ARL15: variants seen among roughly 807,000 people sequenced by gnomAD.
ARL15 encodes ADP-ribosylation factor-like protein 15.
ARL15 carries 19 observed loss-of-function variants against 25.2 expected under a neutral mutation model. The observed-to-expected ratio is 0.75, with a 90% CI of 0.53 to 1.10. ARL15 has a LOEUF of 1.10. ARL15 is among the 50% of genes least tolerant of loss of function. The pLI is 0.00. For synonymous variants in ARL15, 94 were observed against 86.8 expected (o/e 1.08, Z -0.46); for missense variants, 220 against 246.0 (o/e 0.89, Z 0.71).
At chr5:53,995,873 C>T (rs1215719278) in intron 4 of ARL15, among the ~76,000 whole-genome samples, 5 of 152,098 alleles carry the variant, frequency 3.3e-5, no homozygotes, top group African/African-American at 9.7e-5. Context: ...AAACCACTGA[C>T]CCAAAGAGTC....
intron 4 of ARL15, among the ~76,000 whole-genome samples, chr5:53,933,733 G>C (rs894823717): frequency 1.3e-5 from 2 of 151,346 alleles, no homozygotes; most frequent in African/African-American, 4.8e-5. Context: ...TATTCATTAG[G>C]TTTAAGGATC....
chr5:54,247,598 G>T (rs10074331), intron 1 of ARL15, among the ~76,000 whole-genome samples: 4 of 146,788 alleles, frequency 2.7e-5, no homozygotes, highest in African/African-American at 7.5e-5. Flanking sequence ...AAAAAAACCC[G>T]AACACGTTTA....
chr5:53,972,405 G>T (rs1747782865), intron 4 of ARL15, among the ~76,000 whole-genome samples: 2 of 152,094 alleles, frequency 1.3e-5, no homozygotes, highest in Non-Finnish European at 2.9e-5. Flanking sequence ...AAGATATGCT[G>T]GACTTTGACT....
chr5:54,173,210 G>A (rs981198274), intron 1 of ARL15, among the ~76,000 whole-genome samples: 22 of 150,936 alleles, frequency 1.5e-4, no homozygotes, highest in Non-Finnish European at 2.1e-4. Flanking sequence ...GAAAAGAAAA[G>A]AAAGAAAGAA....
rs1418149523 is a variant in ARL15 at position 53,914,405 on chromosome 5, C to T, written c.463-27692G>A. 3.3e-5 allele frequency among the ~76,000 whole-genome samples: 5 copies of T among 152,176 alleles called. No homozygotes were observed. The East Asian group carries it at 7.7e-4, about 23-fold the overall frequency. ...CAAATATACCATGTATTAATTTTCACACTTCAAGACTGCTACTTATCCACC... is the reference window on the plus strand; with the variant it reads ...CAAATATACCATGTATTAATTTTCATACTTCAAGACTGCTACTTATCCACC... On this transcript the variant is annotated intron_variant, in intron 4 of 4. Transcript: ENST00000504924.
At chr5:54,012,233 T>C (rs1404911672) in intron 4 of ARL15, among the ~76,000 whole-genome samples, 1 of 152,194 alleles carries the variant, frequency 6.6e-6, no homozygotes, top group African/African-American at 2.4e-5. Context: ...TGAGAGAAGA[T>C]ACTGTCCATC....
chr5:53,928,422 C>A lies in ARL15; in HGVS notation c.463-41709G>T, dbSNP rs144923844. On this transcript the variant is annotated intron_variant, in intron 4 of 4. Transcript: ENST00000504924. ...TTTCTTTTTACTTCCAATTCTCCAACCTTGCTATGAAGTGTGGATAAAGGA... is the reference window on the plus strand; with the variant it reads ...TTTCTTTTTACTTCCAATTCTCCAAACTTGCTATGAAGTGTGGATAAAGGA... Among the ~76,000 whole-genome samples, 758 of 152,258 alleles carry A rather than the reference C, an allele frequency of 5.0e-3. 2 individuals are homozygous for A. Among genetic ancestry groups the A allele is most frequent in the Non-Finnish European group, 7.1e-3 (484 of 68,026 alleles).
At chr5:54,060,129 T>TTAAAA (rs1491282826) in intron 4 of ARL15, among the ~76,000 whole-genome samples, 1 of 77,582 alleles carries the variant, frequency 1.3e-5, no homozygotes, top group South Asian at 5.3e-4. Context: ...ATCTGATGAC[T>TTAAAA]AAAAAAAAAA....
intron 4 of ARL15, among the ~76,000 whole-genome samples, chr5:54,010,738 G>A (rs1215876650): frequency 6.6e-6 from 1 of 152,132 alleles, no homozygotes; most frequent in Non-Finnish European, 1.5e-5. Flanking sequence ...CAGGCCGGGG[G>A]CGGTGGCTCA....
At chr5:54,264,473 T>C (rs1320737196) in intron 1 of ARL15, among the ~76,000 whole-genome samples, 2 of 152,086 alleles carry the variant, frequency 1.3e-5, no homozygotes, top group East Asian at 3.9e-4. Context: ...TCAATATTGT[T>C]CCCTACTCAA....
At chr5:54,104,812 G>A (rs1432203062) in intron 4 of ARL15, among the ~76,000 whole-genome samples, 2 of 151,998 alleles carry the variant, frequency 1.3e-5, no homozygotes, top group African/African-American at 4.8e-5. Flanking sequence ...TATTCAAAAT[G>A]AGTGACAATG....
intron 4 of ARL15, among the ~76,000 whole-genome samples, chr5:53,917,788 T>G (rs36026821): frequency 0.072 from 10,894 of 152,268 alleles, 477 homozygotes; most frequent in Middle Eastern, 0.095. Flanking sequence ...TAATCCCTCA[T>G]CTATCAAACT....
intron 1 of ARL15, among the ~76,000 whole-genome samples, chr5:54,277,840 T>C (rs1281320167): frequency 6.6e-6 from 1 of 152,228 alleles, no homozygotes; most frequent in African/African-American, 2.4e-5. Context: ...CCAAAATCTG[T>C]AACCATGCAG....
At chr5:54,141,232 ATTAAG>A (rs1198563056) in intron 3 of ARL15, among the ~76,000 whole-genome samples, 18 of 152,172 alleles carry the variant, frequency 1.2e-4, no homozygotes, top group Non-Finnish European at 1.0e-4. Flanking sequence ...AAGTCTACAC[ATTAAG>A]TTAATTGATT....
chr5:53,978,722 AAT>A (rs962910237), intron 4 of ARL15, among the ~76,000 whole-genome samples: 2 of 151,860 alleles, frequency 1.3e-5, no homozygotes, highest in Admixed American at 6.6e-5. Context: ...TTCATATAAG[AAT>A]ATATATATAC....
chr5:54,020,559 A>G (rs1749565928), intron 4 of ARL15, among the ~76,000 whole-genome samples: 1 of 152,232 alleles, frequency 6.6e-6, no homozygotes, highest in Non-Finnish European at 1.5e-5. Context: ...AGGTCTCAAA[A>G]AGATCCATCC....
chr5:54,280,016 C>A (rs1215315767), intron 1 of ARL15, among the ~76,000 whole-genome samples: 1 of 152,200 alleles, frequency 6.6e-6, no homozygotes, highest in Non-Finnish European at 1.5e-5. Flanking sequence ...TGCAGAGGTA[C>A]TGGAATCACT....
rs150652580 is a variant in ARL15 at position 53,948,172 on chromosome 5, T to C, written c.463-61459A>G. Among the ~76,000 whole-genome samples, 682 of 152,296 alleles carry C rather than the reference T, an allele frequency of 4.5e-3. 7 individuals are homozygous for C. Among genetic ancestry groups the C allele is most frequent in the African/African-American group, 0.016 (654 of 41,568 alleles). On this transcript the variant is annotated intron_variant, in intron 4 of 4. Coordinates refer to ENST00000504924, the MANE Select transcript of ARL15 (RefSeq NM_019087.3). ...AGATAATGACAGTGAATACGTAAGA[T>C]GATGATATACAAATTAAGGCAATTT...
intron 4 of ARL15, chr5:53,951,441 C>T (rs571155391): frequency 2.2e-6 from 1 of 463,146 alleles, no homozygotes; most frequent in Non-Finnish European, 4.5e-6. Context: ...AATGTTTACT[C>T]TCAATTTCTG....
Sources: gnomAD v4.1 joint callset for allele counts (sites outside exome capture counted in the v4.1 genomes callset) on GRCh38, gnomAD v4.1.1 for gene constraint, MANE v1.5 for transcripts, NCBI Gene and HGNC (gene_info 2026-07-23, HGNC 2026-07-21) for gene names.